Variants in POPDC2 observed in about 807,000 individuals in gnomAD.
POPDC2 encodes the protein popeye domain-containing protein 2.
In POPDC2, 24 loss-of-function variants were observed where a neutral mutation model predicts 30.5. The ratio of observed to expected loss-of-function variants is 0.79; its 90% CI spans 0.57 to 1.11. The LOEUF is 1.11. POPDC2 is among the 50% of genes least tolerant of loss of function. The probability of loss-of-function intolerance (pLI) is 0.00; values close to 1 mark genes in which losing one functional copy is unlikely to be tolerated. For synonymous variants in POPDC2, 185 were observed against 183.3 expected (o/e 1.01, Z -0.07); for missense variants, 409 against 447.0 (o/e 0.91, Z 0.77).
chr3:119,650,223 T>G (rs2052792967), intron 2 of POPDC2, among the ~76,000 whole-genome samples: 1 of 152,210 alleles, frequency 6.6e-6, no homozygotes, highest in Non-Finnish European at 1.5e-5. Context: ...GTGAACCTTC[T>G]TAGAAATATG....
intron 1 of POPDC2, among the ~76,000 whole-genome samples, chr3:119,655,633 TC>T (rs1368121456): frequency 6.6e-6 from 1 of 152,208 alleles, no homozygotes; most frequent in Non-Finnish European, 1.5e-5. Context: ...TATGCCAGAC[TC>T]TGCTAGACAC....
intron 3 of POPDC2, 21 bp downstream of exon 3, chr3:119,648,098 G>A (rs1008790701): frequency 2.2e-5 from 31 of 1,434,146 alleles, no homozygotes; most frequent in South Asian, 1.9e-4. Context: ...AATGTGCAGC[G>A]GCTGCCTTCT....
Sources: allele counts gnomAD v4.1 joint callset (sites outside exome capture counted in the v4.1 genomes callset), GRCh38; gene constraint gnomAD v4.1.1; transcripts MANE v1.5; gene names NCBI Gene and HGNC (gene_info 2026-07-23, HGNC 2026-07-21).